SLC39A12: variants seen among roughly 807,000 people sequenced by gnomAD.
SLC39A12 encodes zinc transporter ZIP12.
In SLC39A12, 63 loss-of-function variants were observed where a neutral mutation model predicts 71.1. That is an observed-to-expected ratio of 0.89 (90% confidence interval 0.72 to 1.09). SLC39A12 has a LOEUF of 1.09. Ranked by LOEUF, SLC39A12 falls within the 50% of genes least tolerant of loss-of-function variation. The pLI, the probability that SLC39A12 is intolerant of heterozygous loss-of-function variation, is 0.00. For missense variants in SLC39A12, 892 were observed against 812.6 expected (o/e 1.10, Z -1.19); for synonymous variants, 351 against 301.3 (o/e 1.16, Z -1.71).
intron 12 of SLC39A12, among the ~76,000 whole-genome samples, chr10:18,015,796 A>G (rs1836361413): frequency 6.6e-6 from 1 of 151,944 alleles, no homozygotes; most frequent in South Asian, 2.1e-4. Context: ...TTTCACCTAC[A>G]CTATCCAAAT....
chr10:17,958,270 C>T (rs1194037871), intron 2 of SLC39A12, among the ~76,000 whole-genome samples: 3 of 152,092 alleles, frequency 2.0e-5, no homozygotes, highest in Non-Finnish European at 4.4e-5. Flanking sequence ...TACACCAAGC[C>T]CTGCCCTGGT....
chr10:17,965,449 T>C, intron 3 of SLC39A12, 34 bp from the exon 4 acceptor site: 1 of 1,589,746 alleles, frequency 6.3e-7, no homozygotes, highest in East Asian at 2.2e-5. Flanking sequence ...CTTCAGATGT[T>C]ACAATTTTCT....
intron 6 of SLC39A12, among the ~76,000 whole-genome samples, chr10:17,986,972 C>A (rs1835414913): frequency 1.3e-5 from 2 of 151,966 alleles, no homozygotes; most frequent in Non-Finnish European, 2.9e-5. Context: ...ACCACTCCAC[C>A]CCAGCTTGAG....
intron 10 of SLC39A12, among the ~76,000 whole-genome samples, chr10:17,996,788 G>C (rs574777919): frequency 1.3e-5 from 2 of 152,146 alleles, no homozygotes; most frequent in South Asian, 2.1e-4. Flanking sequence ...ACGAGGTCAG[G>C]AGATCGAGAC....
rs549002711 is a variant in SLC39A12, at chr10:17,995,717, G to C, written c.1595G>C (p.Arg532Thr). The C allele has an allele frequency of 6.2e-7, 1 of 1,612,572 alleles. No homozygotes were observed. The highest frequency in any genetic ancestry group is 1.3e-5 in the African/African-American group (1 of 74,996). ...MPIGSMTASN[R>T]KCKAISLLAI... ...ATAGGCAGTATGACAGCCTCCAACA[G>C]AAAATGTGAGTACCAAGCTAAACTT... The change falls in exon 10 of 13, where the codon AGA becomes ACA. Residue 532 changes from arginine (R) to threonine (T), a missense_variant. Coordinates refer to ENST00000377369, the MANE Select transcript of SLC39A12 (RefSeq NM_001145195.2).
At chr10:17,963,273 C>T (rs373186855) in intron 3 of SLC39A12, among the ~76,000 whole-genome samples, 1 of 152,312 alleles carries the variant, frequency 6.6e-6, no homozygotes, top group East Asian at 1.9e-4. Flanking sequence ...AGTACAACAT[C>T]TGTGTAATCC....
intron 3 of SLC39A12, among the ~76,000 whole-genome samples, chr10:17,964,120 T>C (rs1834762460): frequency 6.6e-6 from 1 of 152,198 alleles, no homozygotes; most frequent in South Asian, 2.1e-4. Flanking sequence ...ACTTCAGGGA[T>C]GGGAACAATG....
chr10:17,969,991 C>T (rs1173043503), intron 4 of SLC39A12, among the ~76,000 whole-genome samples: 1 of 152,172 alleles, frequency 6.6e-6, no homozygotes, highest in Non-Finnish European at 1.5e-5. Flanking sequence ...GTTCTGGTTT[C>T]ATTCTTCTGC....
intron 12 of SLC39A12, among the ~76,000 whole-genome samples, chr10:18,013,062 T>G (rs1836274302): frequency 6.6e-6 from 1 of 151,876 alleles, no homozygotes; most frequent in South Asian, 2.1e-4. Context: ...TCTCTTATTA[T>G]CACATAGGTT....
chr10:17,989,575 G>C (rs1381036554), intron 7 of SLC39A12, among the ~76,000 whole-genome samples: 2 of 150,692 alleles, frequency 1.3e-5, no homozygotes, highest in African/African-American at 2.4e-5. Flanking sequence ...GAACTTCAGA[G>C]ATTAGCTGGG....
chr10:17,972,818 G>A (rs542999908), intron 4 of SLC39A12, among the ~76,000 whole-genome samples: 3 of 151,840 alleles, frequency 2.0e-5, no homozygotes, highest in Non-Finnish European at 2.9e-5. Context: ...TGATTGGAGA[G>A]TTTAGTTCAT....
At chr10:18,028,199 G>A (rs1426457468) in intron 12 of SLC39A12, among the ~76,000 whole-genome samples, 1 of 152,140 alleles carries the variant, frequency 6.6e-6, no homozygotes, top group Non-Finnish European at 1.5e-5. Flanking sequence ...AATACTTAAA[G>A]TACAACCTTA....
chr10:17,974,787 G>A (rs752529998), intron 4 of SLC39A12, among the ~76,000 whole-genome samples: 12 of 152,124 alleles, frequency 7.9e-5, no homozygotes, highest in Non-Finnish European at 1.6e-4. Flanking sequence ...TTTGCTCAAG[G>A]CCTTGGGACT....
intron 12 of SLC39A12, among the ~76,000 whole-genome samples, chr10:18,023,418 C>A (rs945652692): frequency 2.6e-5 from 4 of 152,130 alleles, no homozygotes; most frequent in African/African-American, 9.7e-5. Context: ...TTTGTTCCTT[C>A]CACAGCCTGG....
Position 18,042,840 on chromosome 10 carries a change from A to T in SLC39A12, c.*7A>T, listed in dbSNP as rs201722428. 7 of 1,597,346 alleles carry T rather than the reference A, an allele frequency of 4.4e-6. No individual in the cohort carries two copies. In the East Asian group the frequency reaches 1.6e-4, roughly 36 times the overall value. On this transcript the variant is annotated 3_prime_UTR_variant, in exon 13 of 13. Transcript: ENST00000377369. The stretch of plus-strand genomic sequence containing the variant: ...GCAAAATATTAAAATATAAGTGAGG[A>T]TCTTCAACATCTTTCAAAAATGCAT...
intron 3 of SLC39A12, among the ~76,000 whole-genome samples, chr10:17,963,677 C>A (rs1834750249): frequency 6.6e-6 from 1 of 152,152 alleles, no homozygotes; most frequent in Non-Finnish European, 1.5e-5. Flanking sequence ...TTGCAGGAGG[C>A]TTTTGGCACT....
At chr10:18,027,830 G>A (rs1449502670) in intron 12 of SLC39A12, among the ~76,000 whole-genome samples, 5 of 152,188 alleles carry the variant, frequency 3.3e-5, no homozygotes, top group Non-Finnish European at 7.3e-5. Flanking sequence ...ATGGTGACTT[G>A]CACCATCATG....
chr10:18,042,520 A>G (rs1232591185), intron 12 of SLC39A12, among the ~76,000 whole-genome samples, 185 bp from the exon 13 acceptor site: 4 of 151,878 alleles, frequency 2.6e-5, no homozygotes, highest in African/African-American at 9.7e-5. Flanking sequence ...AACCACAATC[A>G]AATGGCTTAC....
intron 12 of SLC39A12, among the ~76,000 whole-genome samples, chr10:18,029,579 G>C (rs1836778958): frequency 6.6e-6 from 1 of 152,170 alleles, no homozygotes; most frequent in African/African-American, 2.4e-5. Flanking sequence ...CTCTGGGCAA[G>C]ACACTTCTGC....
Sources: allele counts gnomAD v4.1 joint callset (sites outside exome capture counted in the v4.1 genomes callset), GRCh38; gene constraint gnomAD v4.1.1; transcripts MANE v1.5; gene names NCBI Gene and HGNC (gene_info 2026-07-23, HGNC 2026-07-21).